ADAR: variants seen among roughly 807,000 people sequenced by gnomAD.
ADAR encodes the protein double-stranded RNA-specific adenosine deaminase.
Under a neutral mutation model 113.2 loss-of-function variants are expected in ADAR, and 41 were observed. That is an observed-to-expected ratio of 0.36 (90% CI 0.28 to 0.47). The LOEUF is 0.47. Among genes scored for constraint, ADAR ranks in the 20% least tolerant of loss-of-function variants. The pLI, the probability that ADAR is intolerant of heterozygous loss-of-function variation, is 1.00. For missense variants in ADAR, 1,242 were observed against 1,540.9 expected, an observed-to-expected ratio of 0.81 and a Z score of 3.25; for synonymous variants, 605 against 572.6, an observed-to-expected ratio of 1.06 and a Z score of -0.81.
intron 6 of ADAR, among the ~76,000 whole-genome samples, chr1:154,596,385 C>T (rs1697495854): frequency 6.6e-6 from 1 of 152,044 alleles, no homozygotes; most frequent in East Asian, 1.9e-4. Context: ...GGATTACAGG[C>T]ACCCGCTGCC....
chr1:154,627,834 GAGA>G (rs1698989323), intron 1 of ADAR: 1 of 517,142 alleles, frequency 1.9e-6, no homozygotes, highest in South Asian at 1.4e-5. Context: ...AGGTGTAGCC[GAGA>G]AGGACAGAGG....
At chr1:154,605,543 A>G (rs1048962997) in intron 1 of ADAR, among the ~76,000 whole-genome samples, 2 of 151,706 alleles carry the variant, frequency 1.3e-5, no homozygotes, top group African/African-American at 4.9e-5. Flanking sequence ...TTCCCAACAC[A>G]GTACTGATGA....
chr1:154,609,694 A>C (rs1698418314), upstream of ADAR, among the ~76,000 whole-genome samples: 1 of 152,150 alleles, frequency 6.6e-6, no homozygotes, highest in Non-Finnish European at 1.5e-5. Context: ...TACCCCTAAT[A>C]GGGCACTTGC....
chr1:154,588,364 C>G, intron 10 of ADAR, 106 bp from the exon 11 acceptor site: 2 of 1,565,940 alleles, frequency 1.3e-6, no homozygotes, highest in African/African-American at 1.4e-5. Context: ...TTTCTAAGGC[C>G]TACCATGGGA....
At position 154,608,102 on chromosome 1, in the gene ADAR, G is replaced by C; in HGVS notation, c.-96C>G. On this transcript the variant is annotated 5_prime_UTR_variant, in exon 1 of 15. Transcript: ENST00000368474. ...AGCCCCTCGAGGCCCCCACGCCTCCGCTACTCCGCACTGGAAGTGGCCCCG... is the reference window on the plus strand; with the variant it reads ...AGCCCCTCGAGGCCCCCACGCCTCCCCTACTCCGCACTGGAAGTGGCCCCG... 1 of 1,428,486 alleles carries C rather than the reference G, an allele frequency of 7.0e-7. No individual in the cohort carries two copies. Among genetic ancestry groups the C allele is most frequent in the Non-Finnish European group, 9.2e-7 (1 of 1,087,038 alleles). The allele number at this position is 1,428,486 out of a possible 1,614,324, so 88.5% of individuals were successfully genotyped here.
rs771313451 is a variant in ADAR at position 154,601,198 on chromosome 1, A to G, written c.1444T>C (p.Phe482Leu). 1.2e-6 allele frequency: 2 copies of G among 1,614,086 alleles called. No individual in the cohort carries two copies. Among genetic ancestry groups the G allele is most frequent in the South Asian group, 1.1e-5 (1 of 91,090 alleles). ...CACCGTGGCAAGCCATGACTGTAGAAGGAGGGCATCTCCATGATGGCTCGA... is the reference window on the plus strand; with the variant it reads ...CACCGTGGCAAGCCATGACTGTAGAGGGAGGGCATCTCCATGATGGCTCGA... ...EFRAIMEMPS[F>L]YSHGLPRCSP... is the part of the protein sequence containing the mutation. The change falls in exon 2 of 15, where the codon TTC (phenylalanine) becomes CTC (leucine). Residue 482 changes from phenylalanine (F) to leucine (L), a missense_variant. By Grantham distance (22) the Phe-to-Leu change is conservative. This residue lies in a region of ADAR where 780 missense variants were observed against 1,057.9 expected (regional missense o/e 0.74). Transcript: ENST00000368474. This position sits in a 1 kb window ranked among gnomAD's most constrained non-coding sequence, Gnocchi z 4.7.
chr1:154,593,023 T>C (rs1204644107), intron 6 of ADAR, among the ~76,000 whole-genome samples: 1 of 150,544 alleles, frequency 6.6e-6, no homozygotes, highest in African/African-American at 2.5e-5. Context: ...TAATCCCAGC[T>C]ACTCGAGGAG....
rs201940846 is a variant in ADAR at position 154,601,845 on chromosome 1, C to T, written c.797G>A (p.Ser266Asn). The T allele has an allele frequency of 6.2e-7, 1 of 1,614,228 alleles. No individual in the cohort carries two copies. The highest frequency in any genetic ancestry group is 2.2e-5 in the East Asian group (1 of 44,888). Residue 266 changes from serine (S) to asparagine (N), a missense_variant, in exon 2 of 15, where the codon AGC becomes AAC. Around this residue, in one of 2 missense-constraint regions of ADAR, gnomAD observed 462 missense variants for 483.1 expected, o/e 0.96. Coordinates refer to ENST00000368474, the MANE Select transcript of ADAR (RefSeq NM_001111.5). The surrounding 1 kb of genome is among the most constrained non-coding windows in gnomAD (Gnocchi z 4.7). ...HSGVVRPDSH[S>N]QGSPNSDPGL... ...TGGGTCTGAGTTTGGGGATCCTTGG[C>T]TATGACTGTCTGGTCTTACCACTCC...
At chr1:154,586,582 TGAG>T (rs1696779554) in intron 11 of ADAR, among the ~76,000 whole-genome samples, 1 of 152,036 alleles carries the variant, frequency 6.6e-6, no homozygotes, top group African/African-American at 2.4e-5. Context: ...TCTATGGTGG[TGAG>T]GAGATTGAAA....
chr1:154,605,643 A>G (rs764030913), intron 1 of ADAR, among the ~76,000 whole-genome samples: 1 of 152,172 alleles, frequency 6.6e-6, no homozygotes, highest in Non-Finnish European at 1.5e-5. Flanking sequence ...CACAAAGCTG[A>G]TTCTCAACAA....
At chr1:154,607,442 G>A (rs1207787255) in intron 1 of ADAR, among the ~76,000 whole-genome samples, 1 of 152,128 alleles carries the variant, frequency 6.6e-6, no homozygotes, top group Non-Finnish European at 1.5e-5. Flanking sequence ...TTAACTCCCA[G>A]AAGGCCTTCA....
intron 1 of ADAR, among the ~76,000 whole-genome samples, chr1:154,614,402 TC>T (rs1243907129): frequency 6.6e-6 from 1 of 152,190 alleles, no homozygotes; most frequent in Non-Finnish European, 1.5e-5. Flanking sequence ...CCCATCTTCT[TC>T]TTCCCTAGGA....
At chr1:154,608,329 CTTTTTT>C, upstream of ADAR, 1 of 287,254 alleles carries the variant, frequency 3.5e-6, no homozygotes, top group East Asian at 8.1e-5. Context: ...ACGGAAGGTA[CTTTTTT>C]TTTTTTTTTT....
intron 6 of ADAR, among the ~76,000 whole-genome samples, chr1:154,593,091 C>CAT (rs1697255112): frequency 7.3e-6 from 1 of 137,848 alleles, no homozygotes; most frequent in African/African-American, 2.7e-5. Context: ...GCTGAGACTG[C>CAT]GCCACTGCAC....
intron 1 of ADAR, among the ~76,000 whole-genome samples, chr1:154,627,228 A>C (rs1698965934): frequency 6.6e-6 from 1 of 152,218 alleles, no homozygotes; most frequent in Non-Finnish European, 1.5e-5. Flanking sequence ...ATCAAGCTAA[A>C]CAGAGAAGGA....
Position 154,582,102 on chromosome 1 carries a change from G to A in ADAR, c.*2704C>T, listed in dbSNP as rs1182769255. On this transcript the variant is annotated 3_prime_UTR_variant, in exon 15 of 15. Coordinates refer to ENST00000368474, the MANE Select transcript of ADAR (RefSeq NM_001111.5). Reference sequence around the variant, plus strand: ...TGTTTTTTTTTTATTTATGAGGAATGTATATTGTTAAGTCACTGTTATCAA... The same window carrying A: ...TGTTTTTTTTTTATTTATGAGGAATATATATTGTTAAGTCACTGTTATCAA... 3 of 152,286 alleles carry A rather than the reference G, an allele frequency of 2.0e-5. No homozygotes were observed. Among genetic ancestry groups the A allele is most frequent in the African/African-American group, 7.3e-5 (3 of 41,314 alleles). 9.4% of individuals were successfully genotyped at this position (152,286 alleles called of 1,614,324 possible). A position where few individuals can be genotyped will look rare whatever the true frequency, so the allele number is the denominator to read the frequency against.
At chr1:154,608,492 C>CGTTTTTT (rs1698349996), upstream of ADAR, among the ~76,000 whole-genome samples, 1 of 65,762 alleles carries the variant, frequency 1.5e-5, no homozygotes, top group Non-Finnish European at 2.7e-5. Context: ...TCACTCCTGG[C>CGTTTTTT]TTTTTTTTTT....
intron 1 of ADAR, among the ~76,000 whole-genome samples, chr1:154,627,505 A>C (rs1698977601): frequency 6.6e-6 from 1 of 152,186 alleles, no homozygotes; most frequent in African/African-American, 2.4e-5. Flanking sequence ...GAGGGAAACA[A>C]GGGCCTTTGG....
intron 11 of ADAR, 119 bp from the exon 12 acceptor site, chr1:154,586,482 T>C: frequency 1.9e-6 from 2 of 1,060,672 alleles, no homozygotes; most frequent in Admixed American, 2.0e-5. Flanking sequence ...TTCACATATT[T>C]CACAGCCCCT....
Sources: allele counts gnomAD v4.1 joint callset (sites outside exome capture counted in the v4.1 genomes callset), GRCh38; gene constraint gnomAD v4.1.1; regional missense constraint gnomAD v4.1.1; non-coding constraint Gnocchi (gnomAD v3.1); transcripts MANE v1.5; gene names NCBI Gene and HGNC (gene_info 2026-07-23, HGNC 2026-07-21).